CDS2: variants seen among roughly 807,000 people sequenced by gnomAD.
CDS2 encodes phosphatidate cytidylyltransferase 2.
CDS2 carries 47 observed loss-of-function variants against 59.0 expected under a neutral mutation model. The ratio of observed to expected loss-of-function variants is 0.80; its 90% confidence interval spans 0.63 to 1.02. CDS2 has a LOEUF of 1.02. Among genes scored for constraint, CDS2 ranks in the 50% least tolerant of loss-of-function variants. The pLI is 0.00. For synonymous variants in CDS2, 207 were observed against 206.4 expected, an observed-to-expected ratio of 1.00 and a Z score of -0.02; for missense variants, 356 against 558.9, an observed-to-expected ratio of 0.64 and a Z score of 3.66.
intron 1 of CDS2, among the ~76,000 whole-genome samples, chr20:5,141,600 T>G (rs2090694306): frequency 6.6e-6 from 1 of 152,186 alleles, no homozygotes; most frequent in Admixed American, 6.5e-5. Context: ...ATTGTATATT[T>G]GTATCCAATA....
At chr20:5,150,913 A>G (rs531263812) in intron 1 of CDS2, among the ~76,000 whole-genome samples, 44 of 152,344 alleles carry the variant, frequency 2.9e-4, no homozygotes, top group African/African-American at 1.1e-3. Context: ...CAGAAGGGCA[A>G]AACTATCAGG....
At chr20:5,166,044 A>G (rs1236646646) in intron 1 of CDS2, among the ~76,000 whole-genome samples, 2 of 152,124 alleles carry the variant, frequency 1.3e-5, no homozygotes. Context: ...TTCAGGATGG[A>G]GAGTGACACA....
Position 5,190,255 on chromosome 20 carries a change from A to T in CDS2, c.*21A>T. On this transcript the variant is annotated 3_prime_UTR_variant, in exon 13 of 13. Coordinates refer to ENST00000460006, the MANE Select transcript of CDS2 (RefSeq NM_003818.4). ...AGTAGGGGCCACCCAGGGCCAGGAG[A>T]ACAGGAACAGAACTGAGCAGGGGCA... is the stretch of plus-strand genomic sequence containing the variant. 6.2e-7 allele frequency: 1 copy of T among 1,609,956 alleles called. No individual in the cohort carries two copies. Among genetic ancestry groups the T allele is most frequent in the Non-Finnish European group, 8.5e-7 (1 of 1,177,816 alleles).
intron 6 of CDS2, among the ~76,000 whole-genome samples, 155 bp from the exon 7 acceptor site, chr20:5,182,906 G>A (rs2091041815): frequency 6.6e-6 from 1 of 152,226 alleles, no homozygotes; most frequent in African/African-American, 2.4e-5. Flanking sequence ...ACTCTCAGAA[G>A]CCTGATCTTA....
At chr20:5,147,855 TC>T (rs2090756550) in intron 1 of CDS2, among the ~76,000 whole-genome samples, 1 of 152,158 alleles carries the variant, frequency 6.6e-6, no homozygotes, top group Non-Finnish European at 1.5e-5. Context: ...GGCACACTTT[TC>T]TAAAAGTAGA....
At chr20:5,128,774 C>G (rs1290230072) in intron 1 of CDS2, 1 of 152,086 alleles carries the variant, frequency 6.6e-6, no homozygotes, top group African/African-American at 2.4e-5. Context: ...TGTTTGGAGG[C>G]TCTGTAGCTC....
chr20:5,180,629 T>A (rs1174850402), intron 5 of CDS2, among the ~76,000 whole-genome samples: 1 of 152,168 alleles, frequency 6.6e-6, no homozygotes, highest in East Asian at 1.9e-4. Flanking sequence ...AAGGTCTTTA[T>A]GACCTGTATC....
intron 1 of CDS2, among the ~76,000 whole-genome samples, chr20:5,144,542 A>G (rs977729054): frequency 1.3e-5 from 2 of 152,296 alleles, no homozygotes; most frequent in Admixed American, 1.3e-4. Flanking sequence ...AATGAAAGAA[A>G]TTGCTTTGGA....
At chr20:5,187,020 A>C in intron 10 of CDS2, 181 bp downstream of exon 10, 1 of 512,506 alleles carries the variant, frequency 2.0e-6, no homozygotes, top group Non-Finnish European at 3.5e-6. Flanking sequence ...TTCCCCCAAC[A>C]TCAGATTGTT....
Position 5,173,564 on chromosome 20 carries a change from G to C in CDS2, c.99G>C (p.Ser33=). 1.2e-6 allele frequency: 2 copies of C among 1,614,198 alleles called. No homozygotes were observed. Among genetic ancestry groups the C allele is most frequent in the Non-Finnish European group, 1.7e-6 (2 of 1,180,016 alleles). The part of the protein sequence containing the change: ...SEAKVDGETA[S]DSESRAESAP... ...CAAAGGTAGATGGAGAGACTGCATCGGACAGTGAGAGCCGGGCAGAATCCG... is the reference window on the plus strand; with the variant it reads ...CAAAGGTAGATGGAGAGACTGCATCCGACAGTGAGAGCCGGGCAGAATCCG... The change falls in exon 2 of 13, where the codon TCG becomes TCC. Residue 33 remains serine, a synonymous_variant. Coordinates refer to ENST00000460006, the MANE Select transcript of CDS2 (RefSeq NM_003818.4).
chr20:5,192,923 A>C lies in CDS2; in HGVS notation c.*2689A>C, dbSNP rs1461362762. 2 of 152,234 alleles carry C rather than the reference A, an allele frequency of 1.3e-5. No individual in the cohort carries two copies. The highest frequency in any genetic ancestry group is 2.9e-5 in the Non-Finnish European group (2 of 68,056). The allele number at this position is 152,234 out of a possible 1,614,324, so 9.4% of individuals were successfully genotyped here. On this transcript the variant is annotated 3_prime_UTR_variant, in exon 13 of 13. Transcript: ENST00000460006. ...CCATCCTGCACTTTACCCACAGGAC[A>C]CCTGGAGGGTCCCCCAGCCCTGCTT...
At chr20:5,128,810 T>G (rs2090578535) in intron 1 of CDS2, 1 of 152,158 alleles carries the variant, frequency 6.6e-6, no homozygotes, top group Non-Finnish European at 1.5e-5. Context: ...TCATGCTTGA[T>G]GTTAGTGGGA....
chr20:5,197,147 T>G lies in CDS2; in HGVS notation c.*6913T>G, dbSNP rs1195529604. On this transcript the variant is annotated 3_prime_UTR_variant, in exon 13 of 13. Transcript: ENST00000460006. ...GTTGATACTGATAATATATTTTAAT[T>G]TTTATTGATGTTTAATACCTTCTGA... The G allele has an allele frequency of 6.6e-6, 1 of 152,082 alleles. No individual in the cohort carries two copies. The highest frequency in any genetic ancestry group is 1.5e-5 in the Non-Finnish European group (1 of 68,008). The allele number at this position is 152,082 out of a possible 1,614,324, so 9.4% of individuals were successfully genotyped here.
intron 10 of CDS2, 152 bp from the exon 11 acceptor site, chr20:5,188,915 A>T: frequency 1.2e-6 from 1 of 826,458 alleles, no homozygotes; most frequent in Non-Finnish European, 2.0e-6. Context: ...GCCATTCATG[A>T]GGGATTTGCC....
At chr20:5,166,979 G>A (rs1422943120) in intron 1 of CDS2, among the ~76,000 whole-genome samples, 3 of 152,228 alleles carry the variant, frequency 2.0e-5, no homozygotes, top group African/African-American at 7.2e-5. Context: ...ATGGTTGTAA[G>A]TAGGGCTGTG....
chr20:5,159,985 A>G lies in CDS2; in HGVS notation c.58-13538A>G, dbSNP rs76120631. ...TTATGTTTTTAAAAAAGAGGAAAAAATAATGCAAGATTCAGAATATTGGAG... is the reference window on the plus strand; with the variant it reads ...TTATGTTTTTAAAAAAGAGGAAAAAGTAATGCAAGATTCAGAATATTGGAG... On this transcript the variant is annotated intron_variant, in intron 1 of 12. Coordinates refer to ENST00000460006, the MANE Select transcript of CDS2 (RefSeq NM_003818.4). Among the ~76,000 whole-genome samples, 1,369 of 152,330 alleles carry G rather than the reference A, an allele frequency of 9.0e-3. 23 individuals carry two copies. The highest frequency in any genetic ancestry group is 0.029 in the African/African-American group (1,217 of 41,566).
At chr20:5,132,389 C>T (rs112218735) in intron 1 of CDS2, among the ~76,000 whole-genome samples, 3 of 152,188 alleles carry the variant, frequency 2.0e-5, no homozygotes, top group South Asian at 2.1e-4. Flanking sequence ...TGAGCCACCG[C>T]GCCCGGCCTC....
intron 1 of CDS2, among the ~76,000 whole-genome samples, chr20:5,168,423 A>ACC (rs1222703908): frequency 7.2e-6 from 1 of 138,226 alleles, no homozygotes; most frequent in Non-Finnish European, 1.6e-5. Flanking sequence ...CCCCCAAAAA[A>ACC]AAAAAAAAAA....
At chr20:5,144,598 A>C (rs1038506164) in intron 1 of CDS2, among the ~76,000 whole-genome samples, 3 of 152,214 alleles carry the variant, frequency 2.0e-5, no homozygotes, top group African/African-American at 7.2e-5. Flanking sequence ...CAAAATGAGT[A>C]ATGATTCTGA....
Sources: gnomAD v4.1 joint callset for allele counts (sites outside exome capture counted in the v4.1 genomes callset) on GRCh38, gnomAD v4.1.1 for gene constraint, MANE v1.5 for transcripts, NCBI Gene and HGNC (gene_info 2026-07-23, HGNC 2026-07-21) for gene names.